The following TYR variants were observed in gnomAD, a reference collection of about 807,000 sequenced individuals.
TYR encodes the protein tyrosinase, also known as LB24-AB.
In TYR, 58 loss-of-function variants were observed where a neutral mutation model predicts 51.5. That is an observed-to-expected ratio of 1.13 (90% CI 0.91 to 1.40). The LOEUF is 1.40. Ranked by LOEUF, TYR falls within the 40% of genes most tolerant of loss-of-function variation. TYR has a pLI of 0.00. For missense variants in TYR, 732 were observed against 647.4 expected (o/e 1.13, Z -1.42); for synonymous variants, 263 against 235.2 (o/e 1.12, Z -1.08).
chr11:89,194,716 C>T (rs1943493011), intron 2 of TYR, among the ~76,000 whole-genome samples: 1 of 151,788 alleles, frequency 6.6e-6, no homozygotes, highest in African/African-American at 2.4e-5. Flanking sequence ...GGAGTAAAGG[C>T]TTTCCATTGT....
At position 89,223,721 on chromosome 11, in the gene TYR, CT is replaced by C. The variant is rs1229933410; in HGVS notation, c.1037-4101del. Among the ~76,000 whole-genome samples, 3 of 152,042 alleles carry C rather than the reference CT, an allele frequency of 2.0e-5. No individual in the cohort carries two copies. The South Asian group carries it at 6.2e-4, about 32-fold the overall frequency. On this transcript the variant is annotated intron_variant, in intron 2 of 4. Transcript: ENST00000263321. The stretch of plus-strand genomic sequence containing the variant: ...AATTTGATCTCTAATTCTGAGGTGT[CT>C]CTAGTCTATTTGAAGAGACAATATA...
chr11:89,233,480 C>T (rs4429061), intron 3 of TYR, among the ~76,000 whole-genome samples: 53,645 of 136,346 alleles, frequency 0.39, 15,646 homozygotes, highest in African/African-American at 0.65. Flanking sequence ...TCTAGAATGG[C>T]GACTCCTTTC....
chr11:89,195,892 T>C (rs1943512877), intron 2 of TYR, among the ~76,000 whole-genome samples: 1 of 151,472 alleles, frequency 6.6e-6, no homozygotes, highest in Non-Finnish European at 1.5e-5. Flanking sequence ...GTTTACTTTT[T>C]CTTTTATTTA....
intron 1 of TYR, among the ~76,000 whole-genome samples, chr11:89,187,519 A>C (rs1377405968): frequency 6.6e-6 from 1 of 152,188 alleles, no homozygotes; most frequent in Non-Finnish European, 1.5e-5. Flanking sequence ...AAGAGATGAC[A>C]GGGGAAGATG....
At chr11:89,204,392 T>C (rs1943642693) in intron 2 of TYR, among the ~76,000 whole-genome samples, 1 of 143,990 alleles carries the variant, frequency 6.9e-6, no homozygotes, top group Non-Finnish European at 1.5e-5. Flanking sequence ...GCCAGGAGAT[T>C]ATACATTTTT....
intron 2 of TYR, among the ~76,000 whole-genome samples, chr11:89,224,523 A>T (rs76485450): frequency 0.036 from 5,435 of 152,254 alleles, 139 homozygotes; most frequent in Middle Eastern, 0.065. Context: ...AAACTTTCTA[A>T]GGGGTACATG....
chr11:89,268,331 A>G (rs957193145), intron 3 of TYR, among the ~76,000 whole-genome samples: 3 of 151,950 alleles, frequency 2.0e-5, no homozygotes, highest in African/African-American at 4.8e-5. Flanking sequence ...AATTCTCAGC[A>G]TAGCACTGGA....
chr11:89,210,075 C>T (rs1943732306), intron 2 of TYR, among the ~76,000 whole-genome samples: 1 of 152,176 alleles, frequency 6.6e-6, no homozygotes, highest in Non-Finnish European at 1.5e-5. Context: ...CAAAGGAACA[C>T]AGCTCCTCAT....
At chr11:89,221,486 T>G (rs562196258) in intron 2 of TYR, among the ~76,000 whole-genome samples, 2 of 152,350 alleles carry the variant, frequency 1.3e-5, no homozygotes, top group South Asian at 4.1e-4. Context: ...ATGCTTCTCG[T>G]GTATCTAGGG....
At chr11:89,188,071 T>C (rs552846184) in intron 1 of TYR, among the ~76,000 whole-genome samples, 7 of 149,844 alleles carry the variant, frequency 4.7e-5, no homozygotes, top group East Asian at 2.0e-4. Flanking sequence ...GTTAAAGGAG[T>C]TAAAAAATAT....
intron 2 of TYR, among the ~76,000 whole-genome samples, chr11:89,201,724 A>T (rs193226443): frequency 6.6e-6 from 1 of 152,204 alleles, no homozygotes; most frequent in Non-Finnish European, 1.5e-5. Context: ...AAATCACATC[A>T]TAGTATCATT....
At position 89,177,964 on chromosome 11, in the gene TYR, C is replaced by A. The variant is rs1254138989; in HGVS notation, c.11C>A (p.Ala4Asp). ...AGGACTAGAGGAAGAATGCTCCTGGCTGTTTTGTACTGCCTGCTGTGGAGT... is the reference window on the plus strand; with the variant it reads ...AGGACTAGAGGAAGAATGCTCCTGGATGTTTTGTACTGCCTGCTGTGGAGT... Reference protein sequence around the residue: MLLAVLYCLLWSFQ... With the variant: MLLDVLYCLLWSFQ... Residue 4 changes from alanine (A) to aspartate (D), a missense_variant, in exon 1 of 5, where the codon GCT (alanine) becomes GAT (aspartate). Ala to Asp is a moderately radical substitution (Grantham distance 126). Transcript: ENST00000263321. 6.2e-7 allele frequency: 1 copy of A among 1,614,100 alleles called. No homozygotes were observed. Among genetic ancestry groups the A allele is most frequent in the Non-Finnish European group, 8.5e-7 (1 of 1,180,028 alleles).
intron 3 of TYR, among the ~76,000 whole-genome samples, chr11:89,250,322 A>C (rs1158942697): frequency 2.6e-5 from 4 of 151,904 alleles, no homozygotes; most frequent in African/African-American, 9.7e-5. Context: ...CTGAAGGCGG[A>C]GGCAAAGAAA....
intron 3 of TYR, among the ~76,000 whole-genome samples, chr11:89,245,514 A>C (rs1944253278): frequency 6.6e-6 from 1 of 152,248 alleles, no homozygotes; most frequent in South Asian, 2.1e-4. Flanking sequence ...TATTTTGAAC[A>C]CTAGTCAAGC....
intron 3 of TYR, among the ~76,000 whole-genome samples, chr11:89,274,832 T>C (rs1944633681): frequency 6.6e-6 from 1 of 151,798 alleles, no homozygotes; most frequent in Non-Finnish European, 1.5e-5. Flanking sequence ...TAACAAGATA[T>C]ATTGTACGGC....
intron 4 of TYR, among the ~76,000 whole-genome samples, chr11:89,291,363 T>C (rs955649402): frequency 2.0e-5 from 3 of 152,050 alleles, no homozygotes; most frequent in Non-Finnish European, 4.4e-5. Context: ...AGCCGTATTT[T>C]ATTTTTTTAC....
Position 89,248,065 on chromosome 11 carries a change from C to T in TYR, c.1184+20095C>T, listed in dbSNP as rs540131696. On this transcript the variant is annotated intron_variant, in intron 3 of 4. Coordinates refer to ENST00000263321, the MANE Select transcript of TYR (RefSeq NM_000372.5). ...CCTGCTACATCTAGCTACATAATCT[C>T]TGGCAAGCTGCTTATTCTTCCCTAA... Among the ~76,000 whole-genome samples, 186 of 152,298 alleles carry T rather than the reference C, an allele frequency of 1.2e-3. 2 individuals are homozygous for T. The highest frequency in any genetic ancestry group is 3.3e-3 in the South Asian group (16 of 4,824).
chr11:89,289,395 C>G (rs559210709), intron 4 of TYR, among the ~76,000 whole-genome samples: 1 of 152,034 alleles, frequency 6.6e-6, no homozygotes, highest in Non-Finnish European at 1.5e-5. Flanking sequence ...GGATGGATTG[C>G]CATCAACATT....
At chr11:89,182,792 T>C (rs1943319081) in intron 1 of TYR, among the ~76,000 whole-genome samples, 1 of 152,096 alleles carries the variant, frequency 6.6e-6, no homozygotes, top group Admixed American at 6.6e-5. Flanking sequence ...AGATCTAATG[T>C]TATGCAACCA....
Sources: allele counts gnomAD v4.1 joint callset (sites outside exome capture counted in the v4.1 genomes callset), GRCh38; gene constraint gnomAD v4.1.1; transcripts MANE v1.5; gene names NCBI Gene and HGNC (gene_info 2026-07-23, HGNC 2026-07-21).